The following SYT1 variants were observed in gnomAD, a reference collection of about 807,000 sequenced individuals.
The protein encoded by SYT1 is synaptotagmin 1.
Under a neutral mutation model 44.8 loss-of-function variants are expected in SYT1, and 8 were observed. That is an observed-to-expected ratio of 0.18 (90% confidence interval 0.10 to 0.32). The LOEUF (loss-of-function observed/expected upper bound fraction) is 0.32. SYT1 is among the 10% of genes least tolerant of loss of function. The pLI is 1.00. For synonymous variants in SYT1, 154 were observed against 188.8 expected, an observed-to-expected ratio of 0.82 and a Z score of 1.51; for missense variants, 286 against 509.3, an observed-to-expected ratio of 0.56 and a Z score of 4.22.
chr12:78,887,837 T>G (rs942412319), intron 1 of SYT1, among the ~76,000 whole-genome samples: 6 of 151,948 alleles, frequency 3.9e-5, no homozygotes, highest in African/African-American at 1.4e-4. Context: ...AGAAATTGAT[T>G]ATTCATACTT....
intron 2 of SYT1, among the ~76,000 whole-genome samples, chr12:79,030,321 T>C (rs897881223): frequency 2.0e-5 from 3 of 150,900 alleles, no homozygotes; most frequent in African/African-American, 7.3e-5. Context: ...CTTCTTTCTC[T>C]CTCCTTCCCA....
intron 9 of SYT1, among the ~76,000 whole-genome samples, chr12:79,438,860 A>G (rs558666483): frequency 6.6e-6 from 1 of 152,314 alleles, no homozygotes; most frequent in Admixed American, 6.5e-5. Flanking sequence ...GTGACTTCCT[A>G]TTCCTCATTC....
intron 3 of SYT1, among the ~76,000 whole-genome samples, chr12:79,076,487 T>G (rs529297341): frequency 7.2e-5 from 11 of 152,314 alleles, no homozygotes; most frequent in African/African-American, 2.6e-4. Flanking sequence ...CTATCCATTC[T>G]TTACTGTTTT....
chr12:78,877,424 T>C (rs958040179), intron 1 of SYT1, among the ~76,000 whole-genome samples: 7 of 151,666 alleles, frequency 4.6e-5, no homozygotes, highest in Non-Finnish European at 1.0e-4. Flanking sequence ...CAATTCAAGA[T>C]GATATCTGGG....
At chr12:79,070,891 A>G (rs1311427354) in intron 3 of SYT1, among the ~76,000 whole-genome samples, 1 of 152,146 alleles carries the variant, frequency 6.6e-6, no homozygotes, top group African/African-American at 2.4e-5. Context: ...GAAAGGAAAA[A>G]AAAGAAAGAA....
At chr12:78,864,179 T>TAGGG (rs1873409669), upstream of SYT1, 1 of 152,150 alleles carries the variant, frequency 6.6e-6, no homozygotes. Context: ...ATCCCCACCC[T>TAGGG]ACCCAGCTTT....
chr12:79,237,169 G>T (rs1876238455), intron 4 of SYT1, among the ~76,000 whole-genome samples: 1 of 152,298 alleles, frequency 6.6e-6, no homozygotes, highest in Middle Eastern at 3.4e-3. Context: ...CTGTTGACAG[G>T]TGCTGTGTCT....
intron 4 of SYT1, among the ~76,000 whole-genome samples, chr12:79,265,617 T>G (rs2138746899): frequency 6.6e-6 from 1 of 152,248 alleles, no homozygotes; most frequent in Admixed American, 6.5e-5. Context: ...GACCTAAATC[T>G]GATCCCAACT....
At chr12:79,280,811 G>T (rs1879008326) in intron 4 of SYT1, among the ~76,000 whole-genome samples, 1 of 151,424 alleles carries the variant, frequency 6.6e-6, no homozygotes, top group African/African-American at 2.4e-5. Flanking sequence ...AAGAAAAAAA[G>T]ATAATAATCC....
At chr12:78,989,112 T>C (rs1349845125) in intron 2 of SYT1, among the ~76,000 whole-genome samples, 1 of 152,134 alleles carries the variant, frequency 6.6e-6, no homozygotes, top group African/African-American at 2.4e-5. Context: ...CCATTTATTC[T>C]GATGGGGAAG....
At chr12:79,077,489 G>C (rs886189521) in intron 3 of SYT1, among the ~76,000 whole-genome samples, 2 of 152,020 alleles carry the variant, frequency 1.3e-5, no homozygotes, top group African/African-American at 4.8e-5. Context: ...CATTCTGACC[G>C]ATCCAAATAG....
chr12:79,285,611 C>T lies in SYT1; in HGVS notation c.167-176C>T, dbSNP rs114919188. Among the ~76,000 whole-genome samples the T allele has an allele frequency of 3.7e-3, 564 of 152,242 alleles. 1 individual carries two copies. Among genetic ancestry groups the T allele is most frequent in the African/African-American group, 0.013 (534 of 41,550 alleles). On this transcript the variant is annotated intron_variant, in intron 4 of 10. Transcript: ENST00000261205. Reference sequence around the variant, plus strand: ...AGGGCAAAGTGGGAAAGAAAGGAAACAATACACTCAAGGGAGACAACAACA... The same window carrying T: ...AGGGCAAAGTGGGAAAGAAAGGAAATAATACACTCAAGGGAGACAACAACA...
At chr12:79,183,723 G>C (rs1370927902) in intron 3 of SYT1, among the ~76,000 whole-genome samples, 2 of 152,012 alleles carry the variant, frequency 1.3e-5, no homozygotes, top group African/African-American at 4.8e-5. Context: ...GGTAAACAGA[G>C]AATGTTCAGG....
chr12:79,142,367 C>A (rs982597260), intron 3 of SYT1, among the ~76,000 whole-genome samples: 5 of 152,132 alleles, frequency 3.3e-5, no homozygotes, highest in African/African-American at 4.8e-5. Flanking sequence ...ACATTTTTCA[C>A]CTTTGTGGGG....
At chr12:79,014,256 A>T (rs778272749) in intron 2 of SYT1, among the ~76,000 whole-genome samples, 9 of 152,108 alleles carry the variant, frequency 5.9e-5, no homozygotes, top group Non-Finnish European at 1.3e-4. Context: ...TAGTTAGTAC[A>T]ATTTATTTTT....
At chr12:79,313,548 C>T (rs1222809991) in intron 8 of SYT1, among the ~76,000 whole-genome samples, 1 of 150,296 alleles carries the variant, frequency 6.7e-6, no homozygotes, top group Non-Finnish European at 1.5e-5. Context: ...ATTCTATTAA[C>T]CAATAAGAGG....
At chr12:79,374,992 C>A (rs1883934440) in intron 9 of SYT1, among the ~76,000 whole-genome samples, 1 of 152,192 alleles carries the variant, frequency 6.6e-6, no homozygotes, top group African/African-American at 2.4e-5. Context: ...AACACAAAAG[C>A]AGCCACAGAC....
chr12:78,868,897 C>T (rs948545177), intron 1 of SYT1: 1 of 151,712 alleles, frequency 6.6e-6, no homozygotes, highest in Admixed American at 6.6e-5. Context: ...CAAGATGATG[C>T]ACTTCTTTAT....
chr12:79,286,520 G>A (rs1185643562), intron 5 of SYT1, among the ~76,000 whole-genome samples: 1 of 152,086 alleles, frequency 6.6e-6, no homozygotes, highest in Non-Finnish European at 1.5e-5. Context: ...AACACGACAG[G>A]ATAGAATTTT....
Sources: gnomAD v4.1 joint callset for allele counts (sites outside exome capture counted in the v4.1 genomes callset) on GRCh38, gnomAD v4.1.1 for gene constraint, MANE v1.5 for transcripts, NCBI Gene and HGNC (gene_info 2026-07-23, HGNC 2026-07-21) for gene names.